MEI4: variants seen among roughly 807,000 people sequenced by gnomAD.
MEI4 encodes the protein meiosis-specific protein MEI4.
MEI4 carries 27 observed loss-of-function variants against 31.4 expected under a neutral mutation model. The observed-to-expected ratio is 0.86, with a 90% CI of 0.63 to 1.19. The LOEUF (loss-of-function observed/expected upper bound fraction) is 1.19, where lower values mean the gene tolerates loss of function less well. Among genes scored for constraint, MEI4 ranks in the 50% most tolerant of loss-of-function variants. The pLI, the probability that MEI4 is intolerant of heterozygous loss-of-function variation, is 0.00. For synonymous variants in MEI4, 122 were observed against 145.4 expected (o/e 0.84, Z 1.16); for missense variants, 329 against 398.9 (o/e 0.82, Z 1.49).
chr6:77,872,710 C>G (rs1581940122), intron 4 of MEI4, among the ~76,000 whole-genome samples: 1 of 140,280 alleles, frequency 7.1e-6, no homozygotes. Context: ...AGGTATATCT[C>G]CTAATGCTAT....
At chr6:77,868,235 T>G (rs958060984) in intron 4 of MEI4, among the ~76,000 whole-genome samples, 2 of 105,134 alleles carry the variant, frequency 1.9e-5, no homozygotes, top group Non-Finnish European at 3.5e-5. Flanking sequence ...TTAAAAAAAA[T>G]TAAAAGCAAA....
At chr6:77,892,496 G>A (rs911493490) in intron 4 of MEI4, among the ~76,000 whole-genome samples, 3 of 152,038 alleles carry the variant, frequency 2.0e-5, no homozygotes, top group Non-Finnish European at 4.4e-5. Flanking sequence ...TGGTGGTACA[G>A]GCTTATCCCA....
intron 4 of MEI4, among the ~76,000 whole-genome samples, chr6:77,845,323 C>T (rs1562009890): frequency 6.6e-6 from 1 of 152,064 alleles, no homozygotes; most frequent in African/African-American, 2.4e-5. Flanking sequence ...CCTTATTTTT[C>T]AGAGAGTTCT....
intron 2 of MEI4, among the ~76,000 whole-genome samples, chr6:77,700,323 A>C (rs1022890711): frequency 6.6e-6 from 1 of 152,016 alleles, no homozygotes; most frequent in African/African-American, 2.4e-5. Context: ...CCTCACTGCC[A>C]CCTTGTAGTT....
intron 1 of MEI4, among the ~76,000 whole-genome samples, chr6:77,681,741 CTT>C (rs1320687098): frequency 6.6e-6 from 1 of 151,998 alleles, no homozygotes; most frequent in Non-Finnish European, 1.5e-5. Context: ...TTAGTTAACT[CTT>C]TTTTCAACAA....
At position 77,919,918 on chromosome 6, in the gene MEI4, C is replaced by T. The variant is rs541158735; in HGVS notation, c.901-3171C>T. Among the ~76,000 whole-genome samples, 15 of 148,156 alleles carry T rather than the reference C, an allele frequency of 1.0e-4. No individual in the cohort carries two copies. In the East Asian group the frequency reaches 1.3e-3, roughly 12 times the overall value. On this transcript the variant is annotated intron_variant, in intron 4 of 4. Transcript: ENST00000684080. ...ATCTAGAAGAAATGGATAAATTCCT[C>T]GACACATACACTCTCCCAAGACTGA...
chr6:77,801,362 G>A (rs974678018), intron 3 of MEI4, among the ~76,000 whole-genome samples: 10 of 150,178 alleles, frequency 6.7e-5, no homozygotes, highest in East Asian at 2.0e-4. Flanking sequence ...TTTTTATCAC[G>A]TCTATTCTTC....
intron 2 of MEI4, among the ~76,000 whole-genome samples, chr6:77,701,192 C>T (rs1028734493): frequency 6.6e-6 from 1 of 152,086 alleles, no homozygotes; most frequent in South Asian, 2.1e-4. Flanking sequence ...ATAGACACTG[C>T]AACAGGCTCC....
At chr6:77,789,071 A>G (rs920309208) in intron 3 of MEI4, among the ~76,000 whole-genome samples, 1 of 152,164 alleles carries the variant, frequency 6.6e-6, no homozygotes, top group African/African-American at 2.4e-5. Context: ...GACCAATGGA[A>G]CCAGAACAGA....
chr6:77,699,258 C>G, intron 2 of MEI4, among the ~76,000 whole-genome samples: 1 of 143,710 alleles, frequency 7.0e-6, no homozygotes, highest in East Asian at 2.1e-4. Flanking sequence ...GGCGGGATCT[C>G]GGCTCACTGC....
At chr6:77,733,014 C>G (rs1323180792) in intron 2 of MEI4, among the ~76,000 whole-genome samples, 1 of 151,744 alleles carries the variant, frequency 6.6e-6, no homozygotes, top group African/African-American at 2.4e-5. Flanking sequence ...TGATGTGCTG[C>G]TGGATTCGTT....
At chr6:77,790,166 C>T (rs534273715) in intron 3 of MEI4, among the ~76,000 whole-genome samples, 3 of 148,986 alleles carry the variant, frequency 2.0e-5, no homozygotes, top group Admixed American at 6.8e-5. Context: ...CAAAAGCAAA[C>T]ACCGCATGTT....
chr6:77,910,979 C>A (rs78993114), intron 4 of MEI4, among the ~76,000 whole-genome samples: 1 of 145,490 alleles, frequency 6.9e-6, no homozygotes, highest in Admixed American at 7.0e-5. Context: ...TGGAATGAGA[C>A]GGATCACATT....
At chr6:77,732,498 A>G (rs1189412444) in intron 2 of MEI4, among the ~76,000 whole-genome samples, 1 of 151,950 alleles carries the variant, frequency 6.6e-6, no homozygotes, top group African/African-American at 2.4e-5. Flanking sequence ...GACTTTGCTG[A>G]AGTTGCTTAT....
At position 77,777,877 on chromosome 6, in the gene MEI4, A is replaced by G. The variant is rs575448481; in HGVS notation, c.768+16212A>G. On this transcript the variant is annotated intron_variant, in intron 3 of 4. Coordinates refer to ENST00000684080, the MANE Select transcript of MEI4 (RefSeq NM_001322247.2). The stretch of plus-strand genomic sequence containing the variant: ...AATGATGTTTTAAAATTTTCAGGGA[A>G]TTAAAAAAACCTTTAAATTTAAAAA... Among the ~76,000 whole-genome samples the G allele has an allele frequency of 4.6e-5, 7 of 152,260 alleles. No homozygotes were observed. In the South Asian group the frequency reaches 1.5e-3, roughly 32 times the overall value.
chr6:77,897,775 T>C (rs2127734189), intron 4 of MEI4, among the ~76,000 whole-genome samples: 1 of 152,084 alleles, frequency 6.6e-6, no homozygotes, highest in African/African-American at 2.4e-5. Context: ...CTTTCTTTTC[T>C]GGGCACTTGG....
At position 77,923,604 on chromosome 6, in the gene MEI4, A is replaced by T. The variant is rs896321650; in HGVS notation, c.*258A>T. 2 of 243,236 alleles carry T rather than the reference A, an allele frequency of 8.2e-6. No homozygotes were observed. The highest frequency in any genetic ancestry group is 1.5e-4 in the East Asian group (2 of 13,654). 15.1% of individuals were successfully genotyped at this position (243,236 alleles called of 1,614,324 possible). ...AACTGTATCTTATTTCACTCAATAT[A>T]GTTTAGCTCTATTATTCTGTAAAAT... On this transcript the variant is annotated 3_prime_UTR_variant, in exon 5 of 5. Transcript: ENST00000684080.
intron 2 of MEI4, among the ~76,000 whole-genome samples, chr6:77,755,845 TG>T (rs1582108255): frequency 1.3e-5 from 2 of 149,648 alleles, no homozygotes; most frequent in South Asian, 2.1e-4. Flanking sequence ...TGTGTGTGTG[TG>T]TGTGTGTGTA....
chr6:77,786,681 T>C (rs1768744498), intron 3 of MEI4, among the ~76,000 whole-genome samples: 1 of 152,102 alleles, frequency 6.6e-6, no homozygotes, highest in South Asian at 2.1e-4. Context: ...CTACTAATGA[T>C]TAGAAATAAC....
Sources: gnomAD v4.1 joint callset for allele counts (sites outside exome capture counted in the v4.1 genomes callset) on GRCh38, gnomAD v4.1.1 for gene constraint, MANE v1.5 for transcripts, NCBI Gene and HGNC (gene_info 2026-07-23, HGNC 2026-07-21) for gene names.